The following RIT1 variants were observed in gnomAD, a reference collection of about 807,000 sequenced individuals.
The protein encoded by RIT1 is GTP-binding protein Rit1.
A neutral mutation model predicts 25.6 loss-of-function variants in RIT1; 6 were observed. The observed-to-expected ratio is 0.23, with a 90% confidence interval of 0.13 to 0.46. The LOEUF (loss-of-function observed/expected upper bound fraction) is 0.46. RIT1 is among the 20% of genes least tolerant of loss of function. The probability of loss-of-function intolerance (pLI) is 0.99; values close to 1 mark genes in which losing one functional copy is unlikely to be tolerated. For missense variants in RIT1, 219 were observed against 284.4 expected, an observed-to-expected ratio of 0.77 and a Z score of 1.65; for synonymous variants, 81 against 94.1, an observed-to-expected ratio of 0.86 and a Z score of 0.80.
rs1481598541 is a variant in RIT1, at chr1:155,904,608, A to G, written c.238-106T>C. 8 of 1,235,046 alleles carry G rather than the reference A, an allele frequency of 6.5e-6. No homozygotes were observed. The African/African-American group carries it at 1.0e-4, about 16-fold the overall frequency. The allele number at this position is 1,235,046 out of a possible 1,614,324, so 76.5% of individuals were successfully genotyped here. A position where few individuals can be genotyped will look rare whatever the true frequency, so the allele number is the denominator to read the frequency against. On this transcript the variant is annotated intron_variant, in intron 4 of 5. Coordinates refer to ENST00000368323, the MANE Select transcript of RIT1 (RefSeq NM_006912.6). ...AGAAAACGCATGTCGATTACCTGCT[A>G]TCCTGAGTCAGAGTGCATGAAAAAT...
chr1:155,905,072 T>C (rs1673407874), intron 3 of RIT1, among the ~76,000 whole-genome samples: 1 of 152,200 alleles, frequency 6.6e-6, no homozygotes, highest in Admixed American at 6.5e-5. Context: ...ATGTCTTTCT[T>C]AAAAAAATTA....
At position 155,908,412 on chromosome 1, in the gene RIT1, G is replaced by A. The variant is rs946057316; in HGVS notation, c.163+2038C>T. Among the ~76,000 whole-genome samples the A allele has an allele frequency of 3.3e-5, 5 of 151,630 alleles. No homozygotes were observed. The East Asian group carries it at 5.9e-4, about 18-fold the overall frequency. ...GGAGCTTGCAGTGAGCCAAGACGGC[G>A]CCACTGCACTCCAGCCTGGATGACA... On this transcript the variant is annotated intron_variant, in intron 3 of 5. Transcript: ENST00000368323.
rs1448253131 is a variant in RIT1, at chr1:155,899,152, G to A, written c.*1236C>T. 1 of 207,076 alleles carries A rather than the reference G, an allele frequency of 4.8e-6. No individual in the cohort carries two copies. The highest frequency in any genetic ancestry group is 6.0e-5 in the Admixed American group (1 of 16,786). 12.8% of individuals were successfully genotyped at this position (207,076 alleles called of 1,614,324 possible). A position where few individuals can be genotyped will look rare whatever the true frequency, so the allele number is the denominator to read the frequency against. ...CAATATTTAAAGCTGTTTCCTCCTA[G>A]GACTACAGTTCCTAAACTATGCACA... On this transcript the variant is annotated 3_prime_UTR_variant, in exon 6 of 6. Coordinates refer to ENST00000368323, the MANE Select transcript of RIT1 (RefSeq NM_006912.6).
intron 5 of RIT1, among the ~76,000 whole-genome samples, chr1:155,900,905 T>C (rs918698307): frequency 1.3e-5 from 2 of 152,172 alleles, no homozygotes; most frequent in Non-Finnish European, 2.9e-5. Flanking sequence ...AACCTCGGCC[T>C]CCCGGGTTCA....
In RIT1 at chr1:155,898,541, A is replaced by ATATATATATATATATC. The variant is rs543706593; in HGVS notation, c.*1846_*1847insGATATATATATATATA. 26 of 117,312 alleles carry ATATATATATATATATC rather than the reference A, an allele frequency of 2.2e-4. 2 individuals are homozygous for ATATATATATATATATC. Among genetic ancestry groups the ATATATATATATATATC allele is most frequent in the African/African-American group, 4.8e-4 (15 of 31,500 alleles). 7.3% of individuals were successfully genotyped at this position (117,312 alleles called of 1,614,324 possible). ...AAAATATATATATATATATATATAT[A>ATATATATATATATATC]TATCTCTTAATGTTAATAACAATTC... On this transcript the variant is annotated 3_prime_UTR_variant, in exon 6 of 6. Transcript: ENST00000368323.
chr1:155,902,893 T>C (rs1673341949), intron 5 of RIT1, among the ~76,000 whole-genome samples: 1 of 151,742 alleles, frequency 6.6e-6, no homozygotes, highest in African/African-American at 2.4e-5. Flanking sequence ...CTGGGCGCGG[T>C]GGCTCACGCC....
chr1:155,909,378 C>CAA (rs1236205139), intron 3 of RIT1, among the ~76,000 whole-genome samples: 1 of 130,628 alleles, frequency 7.7e-6, no homozygotes. Context: ...ACACCGTCTC[C>CAA]AAAAAAAAAA....
At chr1:155,908,965 T>C (rs1005317483) in intron 3 of RIT1, among the ~76,000 whole-genome samples, 2 of 152,096 alleles carry the variant, frequency 1.3e-5, no homozygotes, top group Non-Finnish European at 2.9e-5. Context: ...GAAATGACCA[T>C]ATCAAAGCTG....
intron 5 of RIT1, among the ~76,000 whole-genome samples, chr1:155,903,516 T>G (rs894100226): frequency 6.7e-6 from 1 of 148,826 alleles, no homozygotes; most frequent in Admixed American, 6.7e-5. Context: ...ATGCTTACAC[T>G]AAAATATTGA....
rs1673256320 is a variant in RIT1, at chr1:155,899,225, T to C, written c.*1163A>G. 9.8e-6 allele frequency: 2 copies of C among 203,736 alleles called. No homozygotes were observed. The highest frequency in any genetic ancestry group is 1.5e-4 in the East Asian group (2 of 13,256). The allele number at this position is 203,736 out of a possible 1,614,324, so 12.6% of individuals were successfully genotyped here. A position where few individuals can be genotyped will look rare whatever the true frequency, so the allele number is the denominator to read the frequency against. ...AGGATAAACTTGGTCAAGGCTCAGATAACCCTGAGATGAACTTAGCAAAGT... is the reference window on the plus strand; with the variant it reads ...AGGATAAACTTGGTCAAGGCTCAGACAACCCTGAGATGAACTTAGCAAAGT... On this transcript the variant is annotated 3_prime_UTR_variant, in exon 6 of 6. Coordinates refer to ENST00000368323, the MANE Select transcript of RIT1 (RefSeq NM_006912.6).
intron 3 of RIT1, 21 bp from the exon 4 acceptor site, chr1:155,904,825 G>A: frequency 1.3e-6 from 2 of 1,512,452 alleles, no homozygotes; most frequent in Non-Finnish European, 1.8e-6. Context: ...GAAGAAAGGT[G>A]TACTATAAAG....
At position 155,900,166 on chromosome 1, in the gene RIT1, A is replaced by C; in HGVS notation, c.*222T>G. 1.9e-6 allele frequency: 1 copy of C among 522,714 alleles called. No homozygotes were observed. The highest frequency in any genetic ancestry group is 2.8e-5 in the South Asian group (1 of 36,054). The allele number at this position is 522,714 out of a possible 1,614,324, so 32.4% of individuals were successfully genotyped here. ...AGAACCCAAAACATTGGTAGAACAA[A>C]TTCTAATGTGACAATTTAAAAGCAG... On this transcript the variant is annotated 3_prime_UTR_variant, in exon 6 of 6. Coordinates refer to ENST00000368323, the MANE Select transcript of RIT1 (RefSeq NM_006912.6).
chr1:155,904,439 A>T lies in RIT1; in HGVS notation c.301T>A (p.Ser101Thr), dbSNP rs1230959443. 1 of 1,614,110 alleles carries T rather than the reference A, an allele frequency of 6.2e-7. No individual in the cohort carries two copies. Among genetic ancestry groups the T allele is most frequent in the Non-Finnish European group, 8.5e-7 (1 of 1,179,990 alleles). Residue 101 changes from serine to threonine, a missense_variant, in exon 5 of 6, where the codon TCT becomes ACT. By Grantham distance (58) the Ser-to-Thr change is moderately conservative (BLOSUM62 1). Coordinates refer to ENST00000368323, the MANE Select transcript of RIT1 (RefSeq NM_006912.6). ...TGGAAACTTCGACGATCCGTGATAG[A>T]GTAACAGATGATAAACCCTTCTCCT... Reference protein sequence around the residue: ...RAGEGFIICYSITDRRSFHEV... With the variant: ...RAGEGFIICYTITDRRSFHEV...
chr1:155,900,464 T>C lies in RIT1; in HGVS notation c.584A>G (p.Lys195Arg). ...TACACTGTTTTTGGGCTTAGATTTT[T>C]TCTCCATGGCCAGTACTGCCTCCTT... Reference protein sequence around the residue: ...KEKEAVLAMEKKSKPKNSVWK... With the variant: ...KEKEAVLAMERKSKPKNSVWK... Residue 195 changes from lysine to arginine, a missense_variant, in exon 6 of 6, where the codon AAA becomes AGA. By Grantham distance (26) the Lys-to-Arg change is conservative (BLOSUM62 2). Transcript: ENST00000368323. The C allele has an allele frequency of 6.2e-7, 1 of 1,614,208 alleles. No homozygotes were observed. The highest frequency in any genetic ancestry group is 8.5e-7 in the Non-Finnish European group (1 of 1,180,028).
intron 3 of RIT1, among the ~76,000 whole-genome samples, chr1:155,909,685 G>T (rs1673541329): frequency 6.6e-6 from 1 of 152,110 alleles, no homozygotes; most frequent in Non-Finnish European, 1.5e-5. Flanking sequence ...ACTTTTCGAG[G>T]CTGAGGTGGA....
intron 3 of RIT1, among the ~76,000 whole-genome samples, chr1:155,905,039 A>G (rs1197770118): frequency 1.3e-5 from 2 of 152,202 alleles, no homozygotes; most frequent in Non-Finnish European, 2.9e-5. Context: ...TACAATTCTA[A>G]GCTAAAAAAG....
rs1673291082 is a variant in RIT1 at position 155,900,500 on chromosome 1, C to T, written c.548G>A (p.Arg183His). ...CAGTACTGCCTCCTTTTCTTTCCTA[C>T]GTATCTCCCGTACAAGGGCATGGAA... ...DVFHALVREIRRKEKEAVLAM... is the reference protein window; with the variant it reads ...DVFHALVREIHRKEKEAVLAM... The change falls in exon 6 of 6, where the codon CGT becomes CAT. Residue 183 changes from arginine (R) to histidine (H), a missense_variant. Physicochemically the swap from Arg to His is conservative, Grantham distance 29 (BLOSUM62 0). Coordinates refer to ENST00000368323, the MANE Select transcript of RIT1 (RefSeq NM_006912.6). 3.1e-6 allele frequency: 5 copies of T among 1,613,980 alleles called. No homozygotes were observed. Among genetic ancestry groups the T allele is most frequent in the Non-Finnish European group, 3.4e-6 (4 of 1,180,018 alleles).
chr1:155,909,899 G>A (rs1321553048), intron 3 of RIT1, among the ~76,000 whole-genome samples: 1 of 137,380 alleles, frequency 7.3e-6, no homozygotes, highest in African/African-American at 2.7e-5. Flanking sequence ...TCCAGCCTGG[G>A]AGACAGTGCG....
At chr1:155,908,941 A>G (rs670523) in intron 3 of RIT1, among the ~76,000 whole-genome samples, 72,878 of 151,870 alleles carry the variant, frequency 0.48, 21,993 homozygotes, top group Non-Finnish European at 0.67. Flanking sequence ...CATCCCTGGA[A>G]TCATGTGCTC....
Sources: gnomAD v4.1 joint callset for allele counts (sites outside exome capture counted in the v4.1 genomes callset) on GRCh38, gnomAD v4.1.1 for gene constraint, MANE v1.5 for transcripts, NCBI Gene and HGNC (gene_info 2026-07-23, HGNC 2026-07-21) for gene names.